COPA: variants seen among roughly 807,000 people sequenced by gnomAD.
The protein encoded by COPA is coatomer subunit alpha.
In COPA, 10 loss-of-function variants were observed where a neutral mutation model predicts 158.7. The observed-to-expected ratio is 0.06, with a 90% CI of 0.04 to 0.11. The LOEUF is 0.11. COPA is among the 10% of genes least tolerant of loss of function. The pLI is 1.00. For missense variants in COPA, 1,065 were observed against 1,536.7 expected, an observed-to-expected ratio of 0.69 and a Z score of 5.13; for synonymous variants, 462 against 542.8, an observed-to-expected ratio of 0.85 and a Z score of 2.07.
chr1:160,316,764 A>G (rs1353742859), intron 8 of COPA, among the ~76,000 whole-genome samples: 1 of 152,040 alleles, frequency 6.6e-6, no homozygotes, highest in Non-Finnish European at 1.5e-5. Context: ...AAAAAAAAAA[A>G]AGAATGATTG....
chr1:160,339,720 A>G (rs969522117), intron 3 of COPA, 189 bp downstream of exon 3: 17 of 504,516 alleles, frequency 3.4e-5, no homozygotes, highest in Non-Finnish European at 4.2e-5. Context: ...TGAATTCCCT[A>G]AAAAGAAAAC....
At position 160,325,773 on chromosome 1, in the gene COPA, G is replaced by A. The variant is rs990688529; in HGVS notation, c.497-121C>T. Reference sequence around the variant, plus strand: ...AGAAAAAGAAATGGAAAAGACTGAAGAAAGAAAAGAGACTCAAGAATTCCT... The same window carrying A: ...AGAAAAAGAAATGGAAAAGACTGAAAAAAGAAAAGAGACTCAAGAATTCCT... On this transcript the variant is annotated intron_variant, in intron 6 of 32. Coordinates refer to ENST00000241704, the MANE Select transcript of COPA (RefSeq NM_004371.4). 6 of 722,034 alleles carry A rather than the reference G, an allele frequency of 8.3e-6. No individual in the cohort carries two copies. The African/African-American group carries it at 1.1e-4, about 13-fold the overall frequency. The allele number at this position is 722,034 out of a possible 1,614,324, so 44.7% of individuals were successfully genotyped here.
chr1:160,310,123 C>T (rs1658918195), intron 12 of COPA, 69 bp downstream of exon 12: 8 of 942,242 alleles, frequency 8.5e-6, no homozygotes, highest in Non-Finnish European at 1.2e-5. Context: ...ATTAAAGATT[C>T]CCTAAGGGCA....
chr1:160,303,954 C>T (rs1658697833), intron 17 of COPA, among the ~76,000 whole-genome samples: 1 of 152,094 alleles, frequency 6.6e-6, no homozygotes, highest in African/African-American at 2.4e-5. Context: ...TACCATTACG[C>T]ATCCATCAGA....
chr1:160,322,332 A>G (rs1659354597), intron 8 of COPA, among the ~76,000 whole-genome samples: 1 of 152,224 alleles, frequency 6.6e-6, no homozygotes, highest in East Asian at 1.9e-4. Flanking sequence ...CTCATGTTTA[A>G]CAAAGGTGCC....
intron 5 of COPA, among the ~76,000 whole-genome samples, chr1:160,332,912 T>A (rs1647595303): frequency 6.6e-6 from 1 of 152,146 alleles, no homozygotes. Context: ...TTAAAGGCCA[T>A]CACTTTATTT....
In COPA at chr1:160,291,390, G is replaced by A. The variant is rs1259728190; in HGVS notation, c.3365C>T (p.Ala1122Val). 6 of 1,614,060 alleles carry A rather than the reference G, an allele frequency of 3.7e-6. No homozygotes were observed. Among genetic ancestry groups the A allele is most frequent in the South Asian group, 3.3e-5 (3 of 91,080 alleles). ...TTCTAGTAGGCGCCGAGCAAAGGTG[G>A]CAGCTGTCTTGAAGTTCTTGAGCTT... ...FFKLKNFKTA[A>V]TFARRLLELG... Residue 1122 changes from alanine (A) to valine (V), a missense_variant, in exon 31 of 33, where the codon GCC (alanine) becomes GTC (valine). Around this residue, in one of 2 missense-constraint regions of COPA, gnomAD observed 980 missense variants for 1,357.8 expected, o/e 0.72. Coordinates refer to ENST00000241704, the MANE Select transcript of COPA (RefSeq NM_004371.4).
At chr1:160,317,450 A>C (rs971281510) in intron 8 of COPA, 3 of 1,609,060 alleles carry the variant, frequency 1.9e-6, no homozygotes, top group African/African-American at 2.7e-5. Context: ...GGGGATAAGA[A>C]GGAAGGTGAA....
intron 8 of COPA, among the ~76,000 whole-genome samples, chr1:160,314,712 C>G (rs1001971197): frequency 6.6e-6 from 1 of 152,130 alleles, no homozygotes; most frequent in African/African-American, 2.4e-5. Context: ...CCTAGTTGGC[C>G]TTTCAATTTT....
intron 17 of COPA, among the ~76,000 whole-genome samples, chr1:160,300,123 T>C (rs895679245): frequency 1.3e-5 from 2 of 151,960 alleles, no homozygotes; most frequent in Admixed American, 6.6e-5. Context: ...GTAGATCACA[T>C]GAAGCCAGGA....
intron 1 of COPA, among the ~76,000 whole-genome samples, chr1:160,342,288 T>C (rs1648107099): frequency 1.3e-5 from 2 of 152,182 alleles, no homozygotes; most frequent in Non-Finnish European, 2.9e-5. Context: ...CTAACCACTT[T>C]GTTACGCTGC....
chr1:160,290,734 AC>A, intron 31 of COPA, 48 bp from the exon 32 acceptor site: 1 of 1,558,022 alleles, frequency 6.4e-7, no homozygotes, highest in Non-Finnish European at 8.8e-7. Context: ...TGCAGACAAC[AC>A]CTCAAAGGAT....
At chr1:160,300,018 C>A (rs764209391) in intron 17 of COPA, among the ~76,000 whole-genome samples, 22 of 152,122 alleles carry the variant, frequency 1.4e-4, no homozygotes, top group Admixed American at 6.6e-4. Flanking sequence ...CACTACAGAT[C>A]TTGCAGAATA....
rs1469584340 is a variant in COPA, at chr1:160,323,419, C to T, written c.706+12G>A. On this transcript the variant is annotated intron_variant, in intron 8 of 32. Coordinates refer to ENST00000241704, the MANE Select transcript of COPA (RefSeq NM_004371.4). ...TTCTTAGATATGGCGATAATGTAAC[C>T]GGTTCACTCACCATTCATGCGCCAG... 1.4e-5 allele frequency: 23 copies of T among 1,592,598 alleles called. No individual in the cohort carries two copies. Among genetic ancestry groups the T allele is most frequent in the Admixed American group, 1.4e-4 (8 of 58,534 alleles).
intron 19 of COPA, among the ~76,000 whole-genome samples, 173 bp downstream of exon 19, chr1:160,298,672 A>G (rs543607460): frequency 6.6e-6 from 1 of 152,352 alleles, no homozygotes; most frequent in East Asian, 1.9e-4. Context: ...GAGGCAGGTA[A>G]AAGTAGAGAT....
intron 24 of COPA, 44 bp from the exon 25 acceptor site, chr1:160,294,637 TA>T (rs1368159823): frequency 1.2e-6 from 2 of 1,606,510 alleles, no homozygotes; most frequent in African/African-American, 2.7e-5. Context: ...GGCAGTGGCA[TA>T]ATCTTAGCCA....
At chr1:160,310,079 C>T in intron 12 of COPA, 113 bp downstream of exon 12, 1 of 597,764 alleles carries the variant, frequency 1.7e-6, no homozygotes, top group Non-Finnish European at 2.8e-6. Flanking sequence ...TGTCAGCTCT[C>T]ACAAAATGAC....
At chr1:160,307,084 C>T in intron 14 of COPA, 79 bp downstream of exon 14, 11 of 1,396,958 alleles carry the variant, frequency 7.9e-6, no homozygotes, top group Non-Finnish European at 1.1e-5. Flanking sequence ...ACAGAAAAAA[C>T]AATGGTCTTT....
intron 1 of COPA, among the ~76,000 whole-genome samples, chr1:160,342,055 C>A (rs2147471): frequency 0.43 from 65,102 of 152,054 alleles, 14,899 homozygotes; most frequent in South Asian, 0.61. Context: ...AATATATTCA[C>A]ACATTGATAA....
Sources: allele counts gnomAD v4.1 joint callset (sites outside exome capture counted in the v4.1 genomes callset), GRCh38; gene constraint gnomAD v4.1.1; regional missense constraint gnomAD v4.1.1; transcripts MANE v1.5; gene names NCBI Gene and HGNC (gene_info 2026-07-23, HGNC 2026-07-21).